CCDC7: variants seen among roughly 807,000 people sequenced by gnomAD.
The protein encoded by CCDC7 is coiled-coil domain containing 7, also known as coiled-coil domain-containing protein 7.
A neutral mutation model predicts 196.9 loss-of-function variants in CCDC7; 183 were observed. The observed-to-expected ratio is 0.93, with a 90% CI of 0.82 to 1.05. The LOEUF is 1.05. Ranked by LOEUF, CCDC7 falls within the 50% of genes least tolerant of loss-of-function variation. The pLI is 0.00. For synonymous variants in CCDC7, 525 were observed against 484.6 expected, an observed-to-expected ratio of 1.08 and a Z score of -1.10; for missense variants, 1,540 against 1,482.2, an observed-to-expected ratio of 1.04 and a Z score of -0.64.
At chr10:32,784,064 G>A (rs2081433790) in intron 29 of CCDC7, among the ~76,000 whole-genome samples, 1 of 151,916 alleles carries the variant, frequency 6.6e-6, no homozygotes, top group African/African-American at 2.4e-5. Flanking sequence ...GATAGATGGT[G>A]GTGATGGTTG....
At chr10:32,873,182 A>G (rs1434752880) in intron 41 of CCDC7, among the ~76,000 whole-genome samples, 2 of 152,082 alleles carry the variant, frequency 1.3e-5, no homozygotes, top group African/African-American at 4.8e-5. Context: ...CACCAATCAG[A>G]CATAGATTTG....
chr10:32,487,558 A>G (rs886408916), intron 8 of CCDC7, among the ~76,000 whole-genome samples: 9 of 152,242 alleles, frequency 5.9e-5, no homozygotes, highest in Admixed American at 1.3e-4. Flanking sequence ...GAGGAGAGGC[A>G]CTCTGATTTT....
At chr10:32,747,867 T>C (rs2075049740) in intron 28 of CCDC7, among the ~76,000 whole-genome samples, 1 of 152,154 alleles carries the variant, frequency 6.6e-6, no homozygotes, top group African/African-American at 2.4e-5. Flanking sequence ...ACTGGTTATA[T>C]AGCCAAAGGA....
intron 18 of CCDC7, among the ~76,000 whole-genome samples, chr10:32,597,803 G>A (rs934560466): frequency 2.0e-5 from 3 of 152,218 alleles, no homozygotes; most frequent in Admixed American, 1.3e-4. Context: ...GACCCTGTTT[G>A]CCTGGGTATC....
At chr10:32,688,486 T>G (rs1310553311) in intron 22 of CCDC7, among the ~76,000 whole-genome samples, 2 of 152,212 alleles carry the variant, frequency 1.3e-5, no homozygotes, top group Non-Finnish European at 2.9e-5. Flanking sequence ...TTATTTCCTC[T>G]TCTGTCTTAC....
intron 9 of CCDC7, chr10:32,513,065 C>T (rs2046466601): frequency 6.6e-6 from 1 of 152,050 alleles, no homozygotes; most frequent in African/African-American, 2.4e-5. Flanking sequence ...CTCTTTTTAT[C>T]TACCCTCGGG....
chr10:32,552,358 T>A (rs912438141), intron 13 of CCDC7, among the ~76,000 whole-genome samples: 1 of 152,240 alleles, frequency 6.6e-6, no homozygotes, highest in Admixed American at 6.5e-5. Context: ...ATTCTGCAGT[T>A]CTGTGTCTTT....
At chr10:32,756,942 A>G (rs1007685685) in intron 28 of CCDC7, among the ~76,000 whole-genome samples, 1 of 152,152 alleles carries the variant, frequency 6.6e-6, no homozygotes, top group Admixed American at 6.6e-5. Flanking sequence ...AAAAAGCAGG[A>G]GTTGCAATCC....
chr10:32,665,070 G>A (rs2072352075), intron 21 of CCDC7, among the ~76,000 whole-genome samples: 2 of 151,962 alleles, frequency 1.3e-5, no homozygotes, highest in African/African-American at 2.4e-5. Context: ...TAGTGATGTT[G>A]AACACTTGTT....
At chr10:32,704,441 G>C (rs1040254381) in intron 24 of CCDC7, among the ~76,000 whole-genome samples, 2 of 151,910 alleles carry the variant, frequency 1.3e-5, no homozygotes, top group African/African-American at 4.9e-5. Flanking sequence ...CTCCCATTTA[G>C]GCTACTCAGG....
At chr10:32,871,682 AT>A (rs1221091442) in intron 41 of CCDC7, among the ~76,000 whole-genome samples, 2 of 151,838 alleles carry the variant, frequency 1.3e-5, no homozygotes, top group African/African-American at 2.4e-5. Context: ...CGTTCTTTTA[AT>A]TGTGATGTTA....
intron 6 of CCDC7, among the ~76,000 whole-genome samples, chr10:32,471,547 T>C (rs1381584075): frequency 6.6e-6 from 1 of 152,180 alleles, no homozygotes; most frequent in Non-Finnish European, 1.5e-5. Context: ...CTTTGAAATA[T>C]CTGGCTTATA....
At chr10:32,651,150 G>A (rs2068689419) in intron 20 of CCDC7, among the ~76,000 whole-genome samples, 2 of 152,064 alleles carry the variant, frequency 1.3e-5, no homozygotes, top group Non-Finnish European at 2.9e-5. Flanking sequence ...GATCTCCCCT[G>A]CCAGCTCACA....
At chr10:32,553,756 C>T (rs912644511) in intron 13 of CCDC7, among the ~76,000 whole-genome samples, 1 of 152,146 alleles carries the variant, frequency 6.6e-6, no homozygotes, top group Non-Finnish European at 1.5e-5. Context: ...GCACAGAGTC[C>T]TGTGATATGG....
intron 21 of CCDC7, among the ~76,000 whole-genome samples, chr10:32,685,004 G>T (rs1452672444): frequency 1.3e-5 from 2 of 151,254 alleles, no homozygotes; most frequent in African/African-American, 4.9e-5. Context: ...GATTCCAAAA[G>T]TAAAAAATAT....
At chr10:32,530,163 G>A (rs767357165) in intron 11 of CCDC7, among the ~76,000 whole-genome samples, 1 of 152,080 alleles carries the variant, frequency 6.6e-6, no homozygotes, top group Non-Finnish European at 1.5e-5. Context: ...ACGCTATTTT[G>A]GTGACTATAG....
chr10:32,675,837 C>G (rs983807867), intron 21 of CCDC7: 5 of 152,056 alleles, frequency 3.3e-5, no homozygotes, highest in African/African-American at 1.2e-4. Flanking sequence ...TTAATGCCAT[C>G]CCCATCCAGC....
intron 5 of CCDC7, among the ~76,000 whole-genome samples, chr10:32,465,692 C>G (rs1248096886): frequency 3.9e-5 from 6 of 152,130 alleles, no homozygotes; most frequent in Non-Finnish European, 8.8e-5. Context: ...TTTTTCCATT[C>G]AAGTATTACC....
intron 3 of CCDC7, among the ~76,000 whole-genome samples, chr10:32,461,713 A>ATATATATATATATATG (rs1325283778): frequency 4.9e-5 from 2 of 41,128 alleles, no homozygotes; most frequent in African/African-American, 1.8e-4. Flanking sequence ...GTGTGTGTAT[A>ATATATATATATATATG]TATATATATA....
Sources: gnomAD v4.1 joint callset for allele counts (sites outside exome capture counted in the v4.1 genomes callset) on GRCh38, gnomAD v4.1.1 for gene constraint, MANE v1.5 for transcripts, NCBI Gene and HGNC (gene_info 2026-07-23, HGNC 2026-07-21) for gene names.